Variants in TRIP11 observed in about 807,000 individuals in gnomAD.
TRIP11 encodes the protein thyroid receptor-interacting protein 11.
A neutral mutation model predicts 223.1 loss-of-function variants in TRIP11; 148 were observed. The ratio of observed to expected loss-of-function variants is 0.66; its 90% CI spans 0.58 to 0.76. TRIP11 has a LOEUF of 0.76. Among genes scored for constraint, TRIP11 ranks in the 30% least tolerant of loss-of-function variants. The pLI is 0.00. For synonymous variants in TRIP11, 762 were observed against 772.6 expected, an observed-to-expected ratio of 0.99 and a Z score of 0.23; for missense variants, 2,043 against 2,222.0, an observed-to-expected ratio of 0.92 and a Z score of 1.62.
chr14:92,038,693 AAGC>A (rs1302803282), intron 1 of TRIP11, among the ~76,000 whole-genome samples: 2 of 152,228 alleles, frequency 1.3e-5, no homozygotes, highest in Non-Finnish European at 2.9e-5. Flanking sequence ...ACAATTGTCA[AAGC>A]AGCAGCTCTC....
intron 9 of TRIP11, 150 bp from the exon 10 acceptor site, chr14:92,008,002 A>AAGGAAACAC: frequency 1.5e-6 from 1 of 665,990 alleles, no homozygotes. Flanking sequence ...TGTATGTGAA[A>AAGGAAACAC]TTCAACAAAC....
chr14:92,010,970 T>A lies in TRIP11; in HGVS notation c.1314+16A>T. ...ACATACCATTTTAATTCTGCCCCCA[T>A]TTTTACAGCACCCACCTTTTCTTGA... is the stretch of plus-strand genomic sequence containing the variant. On this transcript the variant is annotated intron_variant, in intron 9 of 20. Transcript: ENST00000267622. 1 of 1,613,178 alleles carries A rather than the reference T, an allele frequency of 6.2e-7. No individual in the cohort carries two copies. Among genetic ancestry groups the A allele is most frequent in the Admixed American group, 1.7e-5 (1 of 59,992 alleles).
In TRIP11 at chr14:91,973,290, C is replaced by G. The variant is rs758401358; in HGVS notation, c.5575-429G>C. On this transcript the variant is annotated intron_variant, in intron 19 of 20. Coordinates refer to ENST00000267622, the MANE Select transcript of TRIP11 (RefSeq NM_004239.4). ...CCGCCCACCTCGGCCTCCCAAAGTG[C>G]GGGGATTACAGGCGTGAGCCACCAC... 3.9e-5 allele frequency among the ~76,000 whole-genome samples: 6 copies of G among 152,056 alleles called. No individual in the cohort carries two copies. The East Asian group carries it at 1.2e-3, about 29-fold the overall frequency.
intron 9 of TRIP11, 120 bp from the exon 10 acceptor site, chr14:92,007,972 T>C (rs1218074078): frequency 1.4e-6 from 1 of 724,086 alleles, no homozygotes; most frequent in East Asian, 2.7e-5. Context: ...GGAAATAATA[T>C]TGAACAATAC....
Position 92,033,137 on chromosome 14 carries a change from G to A in TRIP11, c.201+55C>T, listed in dbSNP as rs2273188. The A allele has an allele frequency of 6.9e-3, 9,073 of 1,319,654 alleles. 505 individuals are homozygous for A. In the Admixed American group the frequency reaches 0.1, roughly 15 times the overall value. 81.7% of individuals were successfully genotyped at this position (1,319,654 alleles called of 1,614,324 possible). On this transcript the variant is annotated intron_variant, in intron 2 of 20. Transcript: ENST00000267622. The stretch of plus-strand genomic sequence containing the variant: ...AAGAAAGGATCAAAGTAATGTTTGA[G>A]TAACCTTCATGACTTCAAAAAAGAA...
At chr14:92,022,710 T>C (rs980989147) in intron 3 of TRIP11, among the ~76,000 whole-genome samples, 1 of 152,182 alleles carries the variant, frequency 6.6e-6, no homozygotes, top group Non-Finnish European at 1.5e-5. Flanking sequence ...CTGCCACAAC[T>C]GAGGAAAATT....
rs202126592 is a variant in TRIP11 at position 91,975,263 on chromosome 14, A to G, written c.5366T>C (p.Ile1789Thr). ...VDKVLMRNLF[I>T]GHFHTPKNQR... ...ATTTTTCGGTGTGTGGAAATGACCA[A>G]TGAAGAGGTTTCTCATTAGGACTCT... Residue 1789 changes from isoleucine (I) to threonine (T), a missense_variant, in exon 18 of 21, where the codon ATT becomes ACT. Coordinates refer to ENST00000267622, the MANE Select transcript of TRIP11 (RefSeq NM_004239.4). 1.5e-5 allele frequency: 25 copies of G among 1,613,412 alleles called. No homozygotes were observed. Among genetic ancestry groups the G allele is most frequent in the Admixed American group, 6.7e-5 (4 of 59,998 alleles).
In TRIP11 at chr14:92,007,650, T is replaced by G. The variant is rs2273186; in HGVS notation, c.1517A>C (p.Glu506Ala). The G allele has an allele frequency of 3.1e-3, 4,962 of 1,613,466 alleles. 86 individuals carry two copies. Among genetic ancestry groups the G allele is most frequent in the African/African-American group, 0.026 (1,937 of 75,056 alleles). The part of the protein sequence containing the change: ...EIEELDRQNQ[E>A]ATKHMILIKD... ...TTAATACAGTGTTACCTTTGTAGCT[T>G]CTTGATTCTGTCTGTCCAATTCTTC... Residue 506 changes from glutamate (E) to alanine (A), a missense_variant, in exon 10 of 21, where the codon GAA (glutamate) becomes GCA (alanine). By Grantham distance (107) the Glu-to-Ala change is moderately radical. Coordinates refer to ENST00000267622, the MANE Select transcript of TRIP11 (RefSeq NM_004239.4).
chr14:91,974,127 C>T (rs554538922), intron 19 of TRIP11, among the ~76,000 whole-genome samples: 7 of 152,314 alleles, frequency 4.6e-5, no homozygotes, highest in African/African-American at 1.7e-4. Flanking sequence ...CTACAACATA[C>T]CAGGCACTGT....
rs1247300463 is a variant in TRIP11, at chr14:92,037,105, AT to A, written c.139+2441del. ...CCGATTGAAATACAAAGGGGAAAGA[AT>A]AAAGGCATTAAGCAACTTTGCAGAT... is the stretch of plus-strand genomic sequence containing the variant. On this transcript the variant is annotated intron_variant, in intron 1 of 20. Transcript: ENST00000267622. This position sits in a 1 kb window ranked among gnomAD's most constrained non-coding sequence, Gnocchi z 4.2. Among the ~76,000 whole-genome samples, 1 of 152,238 alleles carries A rather than the reference AT, an allele frequency of 6.6e-6. No homozygotes were observed. The highest frequency in any genetic ancestry group is 1.5e-5 in the Non-Finnish European group (1 of 68,036).
intron 2 of TRIP11, 48 bp from the exon 3 acceptor site, chr14:92,025,468 T>C (rs1426743339): frequency 1.5e-6 from 2 of 1,339,922 alleles, no homozygotes; most frequent in Non-Finnish European, 2.1e-6. Flanking sequence ...GTAAAACATG[T>C]AATTAGTTAT....
At chr14:92,000,883 C>T (rs1035071516) in intron 11 of TRIP11, among the ~76,000 whole-genome samples, 9 of 145,204 alleles carry the variant, frequency 6.2e-5, no homozygotes, top group East Asian at 6.0e-4. Flanking sequence ...TTTTTTGAGA[C>T]GGAGTCTTGC....
chr14:92,040,032 A>G lies in TRIP11; in HGVS notation c.-347T>C. ...TGCCAACTCGACGCCGGCCGCCATG[A>G]CACTCGCTCGGAAAGCGGCAGCGGA... is the stretch of plus-strand genomic sequence containing the variant. On this transcript the variant is annotated 5_prime_UTR_variant, in exon 1 of 21. Coordinates refer to ENST00000267622, the MANE Select transcript of TRIP11 (RefSeq NM_004239.4). 1 of 424,448 alleles carries G rather than the reference A, an allele frequency of 2.4e-6. No individual in the cohort carries two copies. The highest frequency in any genetic ancestry group is 4.4e-6 in the Non-Finnish European group (1 of 227,068). The allele number at this position is 424,448 out of a possible 1,614,324, so 26.3% of individuals were successfully genotyped here.
chr14:92,021,824 A>C lies in TRIP11; in HGVS notation c.320T>G (p.Ile107Ser). Residue 107 changes from isoleucine to serine, a missense_variant, in exon 4 of 21, where the codon ATC becomes AGC. Coordinates refer to ENST00000267622, the MANE Select transcript of TRIP11 (RefSeq NM_004239.4). ...AATCTGTCTGGCTTTAAGATGGCTGATTTCTACCTATATATTTATAATCCA... is the reference window on the plus strand; with the variant it reads ...AATCTGTCTGGCTTTAAGATGGCTGCTTTCTACCTATATATTTATAATCCA... ...RNQLQQKEVE[I>S]SHLKARQIAL... 1 of 1,613,638 alleles carries C rather than the reference A, an allele frequency of 6.2e-7. No individual in the cohort carries two copies. The highest frequency in any genetic ancestry group is 1.1e-5 in the South Asian group (1 of 91,084).
rs531556861 is a variant in TRIP11, at chr14:92,021,908, A to C, written c.313-77T>G. 5.3e-5 allele frequency: 79 copies of C among 1,476,912 alleles called. No homozygotes were observed. The Middle Eastern group carries it at 9.8e-4, about 18-fold the overall frequency. 91.5% of individuals were successfully genotyped at this position (1,476,912 alleles called of 1,614,324 possible). ...TGACTTTTTATAGATTTGTATTAAA[A>C]GACACAATACAATAATTTGTCTAAG... On this transcript the variant is annotated intron_variant, in intron 3 of 20. Transcript: ENST00000267622.
chr14:92,002,962 C>T (rs994358890), intron 11 of TRIP11, among the ~76,000 whole-genome samples: 6 of 152,060 alleles, frequency 3.9e-5, no homozygotes, highest in African/African-American at 1.2e-4. Flanking sequence ...GACACACACG[C>T]ACACACACAT....
intron 9 of TRIP11, among the ~76,000 whole-genome samples, chr14:92,009,759 T>C (rs1251704400): frequency 6.6e-6 from 1 of 152,142 alleles, no homozygotes; most frequent in Non-Finnish European, 1.5e-5. Context: ...TGGAAAGATG[T>C]TGGAAATATG....
At chr14:92,020,267 A>C (rs1199431251) in intron 4 of TRIP11, among the ~76,000 whole-genome samples, 2 of 152,020 alleles carry the variant, frequency 1.3e-5, no homozygotes, top group Non-Finnish European at 2.9e-5. Flanking sequence ...AAAAAAGAAA[A>C]GAAAGAACAA....
At chr14:91,988,070 C>G (rs1189170665) in intron 16 of TRIP11, among the ~76,000 whole-genome samples, 1 of 152,150 alleles carries the variant, frequency 6.6e-6, no homozygotes, top group Non-Finnish European at 1.5e-5. Flanking sequence ...CCTCAACATC[C>G]AGGAAAACTA....
Sources: gnomAD v4.1 joint callset for allele counts (sites outside exome capture counted in the v4.1 genomes callset) on GRCh38, gnomAD v4.1.1 for gene constraint, Gnocchi (gnomAD v3.1) non-coding constraint, MANE v1.5 for transcripts, NCBI Gene and HGNC (gene_info 2026-07-23, HGNC 2026-07-21) for gene names.